PIK3C2G: variants seen among roughly 807,000 people sequenced by gnomAD.
PIK3C2G encodes phosphatidylinositol-4-phosphate 3-kinase catalytic subunit type 2 gamma.
A neutral mutation model predicts 181.1 loss-of-function variants in PIK3C2G; 168 were observed. That is an observed-to-expected ratio of 0.93 (90% CI 0.82 to 1.05). The LOEUF (loss-of-function observed/expected upper bound fraction) is 1.05, where lower values mean the gene tolerates loss of function less well. PIK3C2G is among the 50% of genes least tolerant of loss of function. PIK3C2G has a pLI of 0.00. For synonymous variants in PIK3C2G, 573 were observed against 592.2 expected, an observed-to-expected ratio of 0.97 and a Z score of 0.47; for missense variants, 1,869 against 1,732.8, an observed-to-expected ratio of 1.08 and a Z score of -1.40.
intron 18 of PIK3C2G, among the ~76,000 whole-genome samples, chr12:18,460,839 A>G (rs1477586902): frequency 1.3e-5 from 2 of 151,976 alleles, no homozygotes; most frequent in Non-Finnish European, 2.9e-5. Flanking sequence ...GTATTAGGGT[A>G]AAATCCCAGA....
At chr12:18,478,855 G>A (rs1008955512) in intron 18 of PIK3C2G, among the ~76,000 whole-genome samples, 3 of 151,722 alleles carry the variant, frequency 2.0e-5, no homozygotes, top group Non-Finnish European at 2.9e-5. Flanking sequence ...CAAGCCTGTG[G>A]TCCCAGTTAC....
chr12:18,474,343 T>C (rs1938758773), intron 18 of PIK3C2G, among the ~76,000 whole-genome samples: 1 of 152,112 alleles, frequency 6.6e-6, no homozygotes, highest in Non-Finnish European at 1.5e-5. Flanking sequence ...ATACTAGAAT[T>C]TTTTAATTGA....
At chr12:18,670,378 G>A in the PIK3C2G span, among the ~76,000 whole-genome samples, 1 of 152,020 alleles carries the variant, frequency 6.6e-6, no homozygotes, top group Admixed American at 6.5e-5. Context: ...CTGTGCCACA[G>A]AGAGCTAGAA....
chr12:18,609,320 G>A (rs1017151657), intron 30 of PIK3C2G, among the ~76,000 whole-genome samples: 4 of 152,008 alleles, frequency 2.6e-5, no homozygotes, highest in African/African-American at 9.7e-5. Flanking sequence ...AACAAAATAT[G>A]AAATATTAGG....
At chr12:18,672,733 G>C in the PIK3C2G span, among the ~76,000 whole-genome samples, 1 of 152,116 alleles carries the variant, frequency 6.6e-6, no homozygotes. Flanking sequence ...GAAAATTGAG[G>C]AATAGATGCC....
rs1191773390 is a variant in PIK3C2G at position 18,604,006 on chromosome 12, G to A, written c.4088-5529G>A. 2.0e-5 allele frequency among the ~76,000 whole-genome samples: 3 copies of A among 151,914 alleles called. No individual in the cohort carries two copies. In the East Asian group the frequency reaches 5.8e-4, roughly 29 times the overall value. ...AAAAAAAACAAAATGAAAATACACAGGCAACAAAGAGCATGATGAATGCAA... is the reference window on the plus strand; with the variant it reads ...AAAAAAAACAAAATGAAAATACACAAGCAACAAAGAGCATGATGAATGCAA... On this transcript the variant is annotated intron_variant, in intron 30 of 32. Transcript: ENST00000538779.
intron 26 of PIK3C2G, 50 bp from the exon 27 acceptor site, chr12:18,562,653 G>T (rs1473242644): frequency 9.3e-7 from 1 of 1,073,054 alleles, no homozygotes; most frequent in South Asian, 1.4e-5. Context: ...AATGAAATGA[G>T]TAGATGCAGA....
intron 14 of PIK3C2G, among the ~76,000 whole-genome samples, chr12:18,385,742 T>G (rs1943126997): frequency 6.6e-6 from 1 of 152,040 alleles, no homozygotes. Flanking sequence ...CTAATTTTTG[T>G]ATCTTAGTAG....
intron 5 of PIK3C2G, among the ~76,000 whole-genome samples, chr12:18,301,616 T>A (rs1950178253): frequency 6.6e-6 from 1 of 152,110 alleles, no homozygotes. Flanking sequence ...CCTGAATTGT[T>A]TTTATGATTT....
At chr12:18,620,004 A>G (rs1948777871) in intron 31 of PIK3C2G, among the ~76,000 whole-genome samples, 1 of 152,084 alleles carries the variant, frequency 6.6e-6, no homozygotes, top group African/African-American at 2.4e-5. Context: ...GATTACAGGC[A>G]TGAGCCACCG....
At chr12:18,634,599 G>T (rs1949506493) in intron 31 of PIK3C2G, among the ~76,000 whole-genome samples, 1 of 152,150 alleles carries the variant, frequency 6.6e-6, no homozygotes, top group South Asian at 2.1e-4. Context: ...CTGAGTGTCA[G>T]TCTCTGCTGT....
intron 6 of PIK3C2G, among the ~76,000 whole-genome samples, chr12:18,317,575 G>A (rs1221195866): frequency 6.6e-6 from 1 of 152,162 alleles, no homozygotes; most frequent in African/African-American, 2.4e-5. Flanking sequence ...GTCCTATGGA[G>A]ATATGTACTC....
chr12:18,577,908 G>A (rs543564099), intron 29 of PIK3C2G, among the ~76,000 whole-genome samples: 7 of 152,314 alleles, frequency 4.6e-5, no homozygotes, highest in South Asian at 2.1e-4. Flanking sequence ...GAGCCTCGGC[G>A]TATTAGCTGC....
chr12:18,613,465 C>G (rs1199131644), intron 31 of PIK3C2G, among the ~76,000 whole-genome samples: 4 of 151,830 alleles, frequency 2.6e-5, no homozygotes, highest in African/African-American at 7.3e-5. Flanking sequence ...ACACAAGAAC[C>G]CCCCCACACA....
At chr12:18,499,379 A>G (rs1266617121) in intron 22 of PIK3C2G, among the ~76,000 whole-genome samples, 1 of 152,184 alleles carries the variant, frequency 6.6e-6, no homozygotes. Context: ...AAATGTCACA[A>G]CGTGAGATGG....
At chr12:18,463,980 T>C (rs1184185582) in intron 18 of PIK3C2G, among the ~76,000 whole-genome samples, 1 of 152,102 alleles carries the variant, frequency 6.6e-6, no homozygotes, top group African/African-American at 2.4e-5. Flanking sequence ...TCCCAGCCTA[T>C]CAAAGCCCTG....
At chr12:18,723,211 C>T in the PIK3C2G span, 1 of 1,072,116 alleles carries the variant, frequency 9.3e-7, no homozygotes, top group Non-Finnish European at 1.4e-6. Context: ...AATTTGATAA[C>T]CACAATTCAT....
chr12:18,312,455 A>T (rs942888690), intron 5 of PIK3C2G, among the ~76,000 whole-genome samples: 1 of 152,188 alleles, frequency 6.6e-6, no homozygotes, highest in Non-Finnish European at 1.5e-5. Flanking sequence ...CATAGCAGGA[A>T]CAGGGAAACA....
At chr12:18,410,510 G>GA (rs1184793762) in intron 16 of PIK3C2G, among the ~76,000 whole-genome samples, 26,453 of 85,382 alleles carry the variant, frequency 0.31, 2,657 homozygotes, top group Admixed American at 0.42. Context: ...ATCTCAGAAA[G>GA]AAAAAAAAAA....
Sources: gnomAD v4.1 joint callset for allele counts (sites outside exome capture counted in the v4.1 genomes callset) on GRCh38, gnomAD v4.1.1 for gene constraint, MANE v1.5 for transcripts, NCBI Gene and HGNC (gene_info 2026-07-23, HGNC 2026-07-21) for gene names.